Variants in MCUB observed in about 807,000 individuals in gnomAD.
MCUB encodes calcium uniporter regulatory subunit MCUb, mitochondrial.
A neutral mutation model predicts 41.4 loss-of-function variants in MCUB; 46 were observed. That is an observed-to-expected ratio of 1.11 (90% CI 0.88 to 1.42). The LOEUF (loss-of-function observed/expected upper bound fraction) is 1.42. MCUB is among the 40% of genes most tolerant of loss of function. The pLI is 0.00. For synonymous variants in MCUB, 148 were observed against 148.2 expected (o/e 1.00, Z 0.01); for missense variants, 403 against 404.9 (o/e 1.00, Z 0.04).
chr4:109,661,105 A>G (rs989710282), intron 3 of MCUB, among the ~76,000 whole-genome samples: 1 of 152,230 alleles, frequency 6.6e-6, no homozygotes, highest in African/African-American at 2.4e-5. Flanking sequence ...GTTTTTTGGC[A>G]GAATTAGTTC....
Position 109,586,368 on chromosome 4 carries a change from G to T in MCUB, c.99+25932G>T, listed in dbSNP as rs1253682004. On this transcript the variant is annotated intron_variant, in intron 1 of 7. Coordinates refer to ENST00000394650, the MANE Select transcript of MCUB (RefSeq NM_017918.5). Reference sequence around the variant, plus strand: ...GCCATTTGTCTAATCTTTTTTCAAGGTTTTTAGCTTCCTTGCGATGGGTTC... The same window carrying T: ...GCCATTTGTCTAATCTTTTTTCAAGTTTTTTAGCTTCCTTGCGATGGGTTC... 3.9e-5 allele frequency among the ~76,000 whole-genome samples: 6 copies of T among 152,144 alleles called. No homozygotes were observed. The East Asian group carries it at 1.2e-3, about 29-fold the overall frequency.
intron 1 of MCUB, among the ~76,000 whole-genome samples, chr4:109,650,994 T>C (rs1425886001): frequency 1.3e-5 from 2 of 152,238 alleles, no homozygotes; most frequent in Non-Finnish European, 2.9e-5. Flanking sequence ...TGATTTCAAC[T>C]CACCCCATTA....
intron 1 of MCUB, among the ~76,000 whole-genome samples, chr4:109,597,551 C>T (rs1579057152): frequency 6.9e-6 from 1 of 145,412 alleles, no homozygotes; most frequent in African/African-American, 2.5e-5. Flanking sequence ...GCTGGCCGGG[C>T]AGAGGGGCTC....
intron 1 of MCUB, among the ~76,000 whole-genome samples, chr4:109,649,829 C>T (rs916369605): frequency 3.3e-5 from 5 of 152,090 alleles, no homozygotes; most frequent in African/African-American, 1.2e-4. Context: ...CTGCCTCAGC[C>T]TCCCAAAGTG....
At chr4:109,609,551 C>T (rs2126133045) in intron 1 of MCUB, among the ~76,000 whole-genome samples, 1 of 152,238 alleles carries the variant, frequency 6.6e-6, no homozygotes, top group Middle Eastern at 3.4e-3. Flanking sequence ...TTGTGCCGAC[C>T]TCCTATCTCA....
At chr4:109,620,287 C>T (rs1728225750) in intron 1 of MCUB, among the ~76,000 whole-genome samples, 1 of 151,916 alleles carries the variant, frequency 6.6e-6, no homozygotes. Flanking sequence ...AGCAACAGGT[C>T]AGAGGTGAGG....
intron 1 of MCUB, among the ~76,000 whole-genome samples, chr4:109,641,225 T>A (rs1728707474): frequency 6.6e-6 from 1 of 151,446 alleles, no homozygotes; most frequent in Admixed American, 6.6e-5. Context: ...CCTGAGTAGC[T>A]GGGACTATGG....
At chr4:109,604,451 G>A (rs895661346) in intron 1 of MCUB, among the ~76,000 whole-genome samples, 4 of 152,130 alleles carry the variant, frequency 2.6e-5, no homozygotes, top group Admixed American at 1.3e-4. Context: ...ATAAAATCAT[G>A]TCATCTGCAA....
chr4:109,637,233 A>G (rs1728616281), intron 1 of MCUB, among the ~76,000 whole-genome samples: 1 of 152,226 alleles, frequency 6.6e-6, no homozygotes, highest in Non-Finnish European at 1.5e-5. Flanking sequence ...GAAATGTGTC[A>G]GCCCTATGGG....
rs1243871030 is a variant in MCUB, at chr4:109,580,307, C to A, written c.99+19871C>A. Among the ~76,000 whole-genome samples the A allele has an allele frequency of 2.0e-5, 3 of 152,150 alleles. No homozygotes were observed. In the East Asian group the frequency reaches 5.8e-4, roughly 29 times the overall value. ...ATGGACATTTGGGTTGGTTCCAAGT[C>A]TTTGCTATGGTGAATAGTGCCACAA... On this transcript the variant is annotated intron_variant, in intron 1 of 7. Coordinates refer to ENST00000394650, the MANE Select transcript of MCUB (RefSeq NM_017918.5).
At chr4:109,639,533 C>A (rs951299992) in intron 1 of MCUB, among the ~76,000 whole-genome samples, 10 of 151,914 alleles carry the variant, frequency 6.6e-5, no homozygotes, top group African/African-American at 2.4e-4. Flanking sequence ...ACTAAAAATA[C>A]AAAAATTAGC....
chr4:109,640,269 G>A (rs1428569854), intron 1 of MCUB, among the ~76,000 whole-genome samples: 1 of 152,208 alleles, frequency 6.6e-6, no homozygotes, highest in Non-Finnish European at 1.5e-5. Context: ...TCACAATGGT[G>A]GAATGTCATC....
intron 1 of MCUB, among the ~76,000 whole-genome samples, chr4:109,658,188 G>GC (rs1188555697): frequency 6.6e-6 from 1 of 152,178 alleles, no homozygotes; most frequent in African/African-American, 2.4e-5. Flanking sequence ...ATATCGGACA[G>GC]CACAGATCTA....
At chr4:109,644,918 T>C (rs1470246439) in intron 1 of MCUB, among the ~76,000 whole-genome samples, 2 of 152,204 alleles carry the variant, frequency 1.3e-5, no homozygotes, top group African/African-American at 4.8e-5. Context: ...TTTCTCAACA[T>C]AATCCCAGGT....
At chr4:109,634,337 C>T (rs536018384) in intron 1 of MCUB, among the ~76,000 whole-genome samples, 1 of 152,206 alleles carries the variant, frequency 6.6e-6, no homozygotes, top group South Asian at 2.1e-4. Flanking sequence ...ACAAAATTAG[C>T]TGGGCGTGGT....
At chr4:109,605,923 T>C (rs1042079215) in intron 1 of MCUB, among the ~76,000 whole-genome samples, 1 of 152,166 alleles carries the variant, frequency 6.6e-6, no homozygotes, top group Non-Finnish European at 1.5e-5. Context: ...TTGTGAATTA[T>C]GTTTCTTGTA....
intron 1 of MCUB, among the ~76,000 whole-genome samples, chr4:109,582,059 G>A (rs2126126838): frequency 6.6e-6 from 1 of 152,120 alleles, no homozygotes; most frequent in East Asian, 1.9e-4. Flanking sequence ...AAATCATGCT[G>A]CTATAAAGAC....
At chr4:109,658,912 C>T (rs764375103) in intron 1 of MCUB, 99 bp from the exon 2 acceptor site, 2 of 766,482 alleles carry the variant, frequency 2.6e-6, no homozygotes, top group East Asian at 5.4e-5. Flanking sequence ...TTATGCTTTT[C>T]ATATAGTATT....
At chr4:109,620,167 C>A (rs1728223660) in intron 1 of MCUB, among the ~76,000 whole-genome samples, 1 of 152,144 alleles carries the variant, frequency 6.6e-6, no homozygotes, top group African/African-American at 2.4e-5. Flanking sequence ...TGCTTACAGG[C>A]ACAACCAATG....
Sources: gnomAD v4.1 joint callset for allele counts (sites outside exome capture counted in the v4.1 genomes callset) on GRCh38, gnomAD v4.1.1 for gene constraint, MANE v1.5 for transcripts, NCBI Gene and HGNC (gene_info 2026-07-23, HGNC 2026-07-21) for gene names.